TMEM245: variants seen among roughly 807,000 people sequenced by gnomAD.
The protein encoded by TMEM245 is protein CG-2.
A neutral mutation model predicts 101.2 loss-of-function variants in TMEM245; 69 were observed. That is an observed-to-expected ratio of 0.68 (90% CI 0.56 to 0.83). The LOEUF (loss-of-function observed/expected upper bound fraction) is 0.83. Among genes scored for constraint, TMEM245 ranks in the 40% least tolerant of loss-of-function variants. The pLI is 0.00. For missense variants in TMEM245, 1,075 were observed against 1,092.8 expected (o/e 0.98, Z 0.23); for synonymous variants, 537 against 449.8 (o/e 1.19, Z -2.45).
At chr9:109,080,174 C>G (rs1163001048) in intron 8 of TMEM245, among the ~76,000 whole-genome samples, 2 of 151,988 alleles carry the variant, frequency 1.3e-5, no homozygotes, top group Non-Finnish European at 2.9e-5. Flanking sequence ...TCACCAACTC[C>G]TTGAAAAGAA....
At chr9:109,042,839 ATTTTTTTTTTT>A (rs754295748) in intron 14 of TMEM245, among the ~76,000 whole-genome samples, 31 of 115,530 alleles carry the variant, frequency 2.7e-4, no homozygotes, top group Admixed American at 1.9e-4. Flanking sequence ...ATAGCTGACA[ATTTTTTTTTTT>A]TTTTTTTTTT....
At position 109,119,807 on chromosome 9, in the gene TMEM245, G is replaced by C. The variant is rs777292607; in HGVS notation, c.107C>G (p.Thr36Ser). ...CAGCGCCAGCGCCGCGGTCCGCGGG[G>C]TCTCCCCGCCACCGCCACTCGGCCC... is the stretch of plus-strand genomic sequence containing the variant. ...AVGPSGGGGETPRTAALALRF... is the reference protein window; with the variant it reads ...AVGPSGGGGESPRTAALALRF... The change falls in exon 1 of 18, where the codon ACC becomes AGC. Residue 36 changes from threonine to serine, a missense_variant. Thr to Ser is a moderately conservative substitution (Grantham distance 58). Transcript: ENST00000374586. 6.9e-6 allele frequency: 10 copies of C among 1,452,346 alleles called. No individual in the cohort carries two copies. The African/African-American group carries it at 1.2e-4, about 17-fold the overall frequency. 90.0% of individuals were successfully genotyped at this position (1,452,346 alleles called of 1,614,324 possible). A position where few individuals can be genotyped will look rare whatever the true frequency, so the allele number is the denominator to read the frequency against.
chr9:109,103,546 G>A (rs557451660), intron 3 of TMEM245, among the ~76,000 whole-genome samples: 39 of 151,870 alleles, frequency 2.6e-4, no homozygotes, highest in South Asian at 8.3e-4. Context: ...GTACTATTCC[G>A]CCAAAAAAAA....
chr9:109,086,058 G>A (rs765950329), intron 6 of TMEM245, 38 bp from the exon 7 acceptor site: 1 of 1,602,380 alleles, frequency 6.2e-7, no homozygotes, highest in Non-Finnish European at 8.5e-7. Context: ...GAGAAGATAA[G>A]AACAGTGGAG....
rs1389952431 is a variant in TMEM245, at chr9:109,119,839, G to A, written c.75C>T (p.Arg25=). Residue 25 remains arginine, a synonymous_variant, in exon 1 of 18, where the codon CGC becomes CGT. Coordinates refer to ENST00000374586, the MANE Select transcript of TMEM245 (RefSeq NM_032012.4). ...SSPGPAPRVP[R]AVGPSGGGGE... The stretch of plus-strand genomic sequence containing the variant: ...CGCCACCGCCACTCGGCCCGACCGC[G>A]CGCGGGACCCGCGGCGCCGGCCCGG... 1 of 1,343,882 alleles carries A rather than the reference G, an allele frequency of 7.4e-7. No individual in the cohort carries two copies. Among genetic ancestry groups the A allele is most frequent in the Non-Finnish European group, 9.5e-7 (1 of 1,057,970 alleles). The allele number at this position is 1,343,882 out of a possible 1,614,324, so 83.2% of individuals were successfully genotyped here.
At chr9:109,026,065 T>C (rs1214894885) in intron 17 of TMEM245, among the ~76,000 whole-genome samples, 1 of 152,224 alleles carries the variant, frequency 6.6e-6, no homozygotes, top group Admixed American at 6.5e-5. Context: ...TACAAATTCC[T>C]AGAAAAAGCC....
At chr9:109,088,121 G>T (rs1216264791) in intron 5 of TMEM245, among the ~76,000 whole-genome samples, 1 of 152,238 alleles carries the variant, frequency 6.6e-6, no homozygotes, top group African/African-American at 2.4e-5. Context: ...TTGCCTTCAA[G>T]TTTGGACCCT....
At chr9:109,116,340 A>T (rs921497845) in intron 1 of TMEM245, among the ~76,000 whole-genome samples, 2 of 152,146 alleles carry the variant, frequency 1.3e-5, no homozygotes, top group African/African-American at 4.8e-5. Flanking sequence ...CCAGTCACAT[A>T]ACCTACTTTC....
At chr9:109,102,244 C>A (rs1466007378) in intron 3 of TMEM245, among the ~76,000 whole-genome samples, 1 of 151,986 alleles carries the variant, frequency 6.6e-6, no homozygotes, top group Admixed American at 6.6e-5. Context: ...AACTTAGACA[C>A]CAAAATATAA....
chr9:109,106,703 G>GTA (rs1830433999), intron 2 of TMEM245, 94 bp from the exon 3 acceptor site: 1 of 783,604 alleles, frequency 1.3e-6, no homozygotes, highest in Non-Finnish European at 2.0e-6. Context: ...GAACAATCTG[G>GTA]TATATATATT....
intron 1 of TMEM245, among the ~76,000 whole-genome samples, chr9:109,117,276 A>ATT (rs11393993): frequency 6.6e-4 from 96 of 144,956 alleles, no homozygotes; most frequent in East Asian, 3.6e-3. Flanking sequence ...CACCCAGCTA[A>ATT]TTTTTTTTTT....
At chr9:109,054,791 C>T (rs924861134) in intron 12 of TMEM245, among the ~76,000 whole-genome samples, 10 of 152,138 alleles carry the variant, frequency 6.6e-5, no homozygotes, top group African/African-American at 9.7e-5. Context: ...TGTTATTTAC[C>T]GTGCAAACTA....
At chr9:109,024,028 T>G (rs1156307673) in intron 17 of TMEM245, among the ~76,000 whole-genome samples, 1 of 152,096 alleles carries the variant, frequency 6.6e-6, no homozygotes, top group Non-Finnish European at 1.5e-5. Context: ...CAATGAGATC[T>G]TTACAAATTC....
rs755865638 is a variant in TMEM245 at position 109,017,988 on chromosome 9, T to TG, written c.*2471dup. The TG allele has an allele frequency of 1.3e-5, 2 of 152,190 alleles. No homozygotes were observed. Among genetic ancestry groups the TG allele is most frequent in the Non-Finnish European group, 2.9e-5 (2 of 68,038 alleles). 9.4% of individuals were successfully genotyped at this position (152,190 alleles called of 1,614,324 possible). ...TCCTGATCATAGCTGTGAAGCACTC[T>TG]GGGGCACCTCTGCTCCTGGTATTTC... On this transcript the variant is annotated 3_prime_UTR_variant, in exon 18 of 18. Transcript: ENST00000374586.
At chr9:109,023,090 A>G (rs1827679651) in intron 17 of TMEM245, among the ~76,000 whole-genome samples, 1 of 152,218 alleles carries the variant, frequency 6.6e-6, no homozygotes, top group Non-Finnish European at 1.5e-5. Flanking sequence ...AGTCTCCAAA[A>G]GGACTCAGGA....
In TMEM245 at chr9:109,083,901, C is replaced by CAAAAAAAAAAAAAAAAAA. The variant is rs751739620; in HGVS notation, c.1344+2078_1344+2095dup. On this transcript the variant is annotated intron_variant, in intron 7 of 17. Transcript: ENST00000374586. ...CAAAACCCCATCTCTACTAAAAATA[C>CAAAAAAAAAAAAAAAAAA]AAAAAAAAAAAAAAAAAAAAAAAAA... 5.0e-3 allele frequency among the ~76,000 whole-genome samples: 172 copies of CAAAAAAAAAAAAAAAAAA among 34,474 alleles called. 46 individuals carry two copies. The highest frequency in any genetic ancestry group is 5.4e-3 in the Non-Finnish European group (108 of 19,818). The allele number at this position is 34,474 out of a possible 152,430, so 22.6% of individuals were successfully genotyped here.
intron 7 of TMEM245, among the ~76,000 whole-genome samples, chr9:109,085,374 A>T (rs1829800603): frequency 6.6e-6 from 1 of 152,258 alleles, no homozygotes; most frequent in African/African-American, 2.4e-5. Context: ...AGTTATTAAA[A>T]GTGTGCCTAT....
In TMEM245 at chr9:109,057,304, T is replaced by C. The variant is rs369367599; in HGVS notation, c.1741A>G (p.Arg581Gly). Residue 581 changes from arginine to glycine, a missense_variant, in exon 12 of 18, where the codon AGG (arginine) becomes GGG (glycine). This residue lies in a region of TMEM245 where 808 missense variants were observed against 741.5 expected (regional missense o/e 1.09). Coordinates refer to ENST00000374586, the MANE Select transcript of TMEM245 (RefSeq NM_032012.4). ...ACATGCAACTTCTGTCCTTTGTGCC[T>C]TCCAGAGTGTGTTACATTCTATGGA... ...WFVKNVTHSG[R>G]HKGQKLHVSR... 2.7e-5 allele frequency: 43 copies of C among 1,613,918 alleles called. No homozygotes were observed. Among genetic ancestry groups the C allele is most frequent in the Non-Finnish European group, 3.2e-5 (38 of 1,179,920 alleles).
intron 11 of TMEM245, among the ~76,000 whole-genome samples, chr9:109,058,674 G>A (rs928411764): frequency 7.2e-5 from 11 of 152,094 alleles, no homozygotes; most frequent in African/African-American, 2.7e-4. Flanking sequence ...GTGCAATGGT[G>A]CAGTCATAGC....
Sources: gnomAD v4.1 joint callset for allele counts (sites outside exome capture counted in the v4.1 genomes callset) on GRCh38, gnomAD v4.1.1 for gene constraint, gnomAD v4.1.1 regional missense constraint, MANE v1.5 for transcripts, NCBI Gene and HGNC (gene_info 2026-07-23, HGNC 2026-07-21) for gene names.